The following PHACTR1 variants were observed in gnomAD, a reference collection of about 807,000 sequenced individuals.
PHACTR1 encodes RPEL repeat containing 1.
A neutral mutation model predicts 69.2 loss-of-function variants in PHACTR1; 16 were observed. The observed-to-expected ratio is 0.23, with a 90% CI of 0.16 to 0.35. The LOEUF (loss-of-function observed/expected upper bound fraction) is 0.35, where lower values mean the gene tolerates loss of function less well. Among genes scored for constraint, PHACTR1 ranks in the 10% least tolerant of loss-of-function variants. The pLI is 1.00. For missense variants in PHACTR1, 510 were observed against 734.7 expected (o/e 0.69, Z 3.54); for synonymous variants, 312 against 284.5 (o/e 1.10, Z -0.97).
At chr6:13,131,444 G>A (rs886514353) in intron 5 of PHACTR1, among the ~76,000 whole-genome samples, 4 of 152,032 alleles carry the variant, frequency 2.6e-5, no homozygotes, top group South Asian at 2.1e-4. Context: ...GGGGACTTGC[G>A]GGGAAGGGTT....
At chr6:13,089,495 C>G (rs998787839) in intron 5 of PHACTR1, among the ~76,000 whole-genome samples, 4 of 152,174 alleles carry the variant, frequency 2.6e-5, no homozygotes. Flanking sequence ...CTGAAGGATT[C>G]TGACTCAATA....
intron 5 of PHACTR1, among the ~76,000 whole-genome samples, chr6:13,137,815 A>C (rs978246764): frequency 6.6e-6 from 1 of 152,240 alleles, no homozygotes; most frequent in Admixed American, 6.5e-5. Context: ...TCACCTGTAA[A>C]ACCTTATTCA....
At chr6:12,781,180 G>A (rs1032401781) in intron 4 of PHACTR1, among the ~76,000 whole-genome samples, 1 of 152,174 alleles carries the variant, frequency 6.6e-6, no homozygotes, top group Non-Finnish European at 1.5e-5. Context: ...TCCCCACTGT[G>A]TTCTGTGCAC....
chr6:12,748,587 A>G (rs990112392), intron 3 of PHACTR1, among the ~76,000 whole-genome samples: 4 of 152,034 alleles, frequency 2.6e-5, no homozygotes, highest in Non-Finnish European at 4.4e-5. Flanking sequence ...CACCCCAGAA[A>G]CCTTTCTAGG....
chr6:12,840,564 C>G (rs761007833), intron 4 of PHACTR1, among the ~76,000 whole-genome samples: 6 of 152,180 alleles, frequency 3.9e-5, no homozygotes, highest in Non-Finnish European at 8.8e-5. Context: ...TGGACCCACT[C>G]TCTCATCCAG....
At chr6:12,843,769 A>G (rs16873447) in intron 4 of PHACTR1, among the ~76,000 whole-genome samples, 2 of 152,136 alleles carry the variant, frequency 1.3e-5, no homozygotes, top group Non-Finnish European at 2.9e-5. Context: ...AACAGACTTC[A>G]TAGTAGGTAT....
At chr6:12,904,349 T>G (rs1243355995) in intron 4 of PHACTR1, among the ~76,000 whole-genome samples, 1 of 151,930 alleles carries the variant, frequency 6.6e-6, no homozygotes, top group African/African-American at 2.4e-5. Context: ...CTGCCCAACA[T>G]GGTGAAACCC....
At chr6:13,055,529 A>G (rs1377978276) in intron 5 of PHACTR1, among the ~76,000 whole-genome samples, 1 of 152,252 alleles carries the variant, frequency 6.6e-6, no homozygotes, top group African/African-American at 2.4e-5. Flanking sequence ...AAAAAAATAT[A>G]TATATATAAA....
intron 4 of PHACTR1, among the ~76,000 whole-genome samples, chr6:12,754,639 G>T (rs1350805383): frequency 6.6e-6 from 1 of 152,198 alleles, no homozygotes; most frequent in Non-Finnish European, 1.5e-5. Flanking sequence ...ACCCCAGATA[G>T]TGTAATGAAT....
At position 12,999,451 on chromosome 6, in the gene PHACTR1, T is replaced by C. The variant is rs1409041883; in HGVS notation, c.251-53914T>C. ...TGTCTCTACTAACAAAATACAAAAA[T>C]TAGCCGGGCGTGGTGGCAGGCCCCT... On this transcript the variant is annotated intron_variant, in intron 4 of 14. Coordinates refer to ENST00000332995, the MANE Select transcript of PHACTR1 (RefSeq NM_030948.6). Among the ~76,000 whole-genome samples the C allele has an allele frequency of 2.6e-5, 4 of 151,984 alleles. No homozygotes were observed. The East Asian group carries it at 5.8e-4, about 22-fold the overall frequency.
chr6:12,926,568 A>G (rs1582524261), intron 4 of PHACTR1, among the ~76,000 whole-genome samples: 1 of 152,164 alleles, frequency 6.6e-6, no homozygotes, highest in East Asian at 1.9e-4. Flanking sequence ...GTCTCACAAC[A>G]TCAACATTCA....
chr6:12,865,921 A>G (rs1040275806), intron 4 of PHACTR1, among the ~76,000 whole-genome samples: 7 of 152,182 alleles, frequency 4.6e-5, no homozygotes, highest in Admixed American at 2.0e-4. Flanking sequence ...GCTTGGCCCT[A>G]GGTTCCATCC....
intron 4 of PHACTR1, among the ~76,000 whole-genome samples, chr6:12,849,493 T>C (rs1426756008): frequency 6.6e-6 from 1 of 151,886 alleles, no homozygotes; most frequent in Non-Finnish European, 1.5e-5. Context: ...AGAGAAAAAA[T>C]AGTCTAGATA....
rs567545383 is a variant in PHACTR1, at chr6:12,761,677, C to A, written c.250+11887C>A. 2.0e-5 allele frequency among the ~76,000 whole-genome samples: 3 copies of A among 152,340 alleles called. No individual in the cohort carries two copies. In the South Asian group the frequency reaches 6.2e-4, roughly 32 times the overall value. On this transcript the variant is annotated intron_variant, in intron 4 of 14. Transcript: ENST00000332995. The stretch of plus-strand genomic sequence containing the variant: ...CTAGTCCAACTTAGCCCAAGGCAGA[C>A]ACTCAGCCAAGTAACCAGGGAGCAT...
At chr6:13,112,597 T>C (rs1486202638) in intron 5 of PHACTR1, among the ~76,000 whole-genome samples, 1 of 152,222 alleles carries the variant, frequency 6.6e-6, no homozygotes, top group Non-Finnish European at 1.5e-5. Flanking sequence ...GGTATCTCAT[T>C]GTGGTTTTGA....
chr6:12,772,882 G>T (rs1178714157), intron 4 of PHACTR1, among the ~76,000 whole-genome samples: 2 of 152,140 alleles, frequency 1.3e-5, no homozygotes, highest in African/African-American at 4.8e-5. Context: ...TCGTTGAATC[G>T]CAGACAAGTG....
intron 7 of PHACTR1, among the ~76,000 whole-genome samples, chr6:13,194,628 C>T (rs1764114533): frequency 6.6e-6 from 1 of 151,984 alleles, no homozygotes; most frequent in South Asian, 2.1e-4. Flanking sequence ...TTGTATATTT[C>T]AAAATTGCCA....
intron 4 of PHACTR1, among the ~76,000 whole-genome samples, chr6:12,757,493 A>G (rs1009016880): frequency 1.3e-5 from 2 of 152,148 alleles, no homozygotes; most frequent in South Asian, 4.1e-4. Context: ...GGGGCTGTTG[A>G]GTTCAGAACA....
At chr6:12,899,381 T>G (rs7765708) in intron 4 of PHACTR1, among the ~76,000 whole-genome samples, 8,622 of 152,260 alleles carry the variant, frequency 0.057, 687 homozygotes, top group African/African-American at 0.17. Context: ...AAAGATGATA[T>G]ATCAGCCTTT....
Sources: gnomAD v4.1 joint callset for allele counts (sites outside exome capture counted in the v4.1 genomes callset) on GRCh38, gnomAD v4.1.1 for gene constraint, MANE v1.5 for transcripts, NCBI Gene and HGNC (gene_info 2026-07-23, HGNC 2026-07-21) for gene names.